ANKMY2: variants seen among roughly 807,000 people sequenced by gnomAD.
ANKMY2 encodes ankyrin repeat and MYND domain-containing protein 2.
ANKMY2 carries 36 observed loss-of-function variants against 50.4 expected under a neutral mutation model. The observed-to-expected ratio is 0.71, with a 90% CI of 0.55 to 0.94. The LOEUF is 0.94. ANKMY2 is among the 40% of genes least tolerant of loss of function. The pLI is 0.00. For synonymous variants in ANKMY2, 187 were observed against 178.8 expected, an observed-to-expected ratio of 1.05 and a Z score of -0.36; for missense variants, 565 against 524.0, an observed-to-expected ratio of 1.08 and a Z score of -0.76.
chr7:16,633,834 T>C (rs1375654772), intron 2 of ANKMY2, among the ~76,000 whole-genome samples: 1 of 152,164 alleles, frequency 6.6e-6, no homozygotes, highest in African/African-American at 2.4e-5. Flanking sequence ...TAAAAGGTGC[T>C]ATTGCGATCT....
At chr7:16,630,944 C>A (rs1781573840) in intron 2 of ANKMY2, among the ~76,000 whole-genome samples, 1 of 152,190 alleles carries the variant, frequency 6.6e-6, no homozygotes, top group South Asian at 2.1e-4. Flanking sequence ...AGGATCATCA[C>A]AGAGGCCAAG....
At chr7:16,620,795 T>A (rs1224065562) in intron 4 of ANKMY2, among the ~76,000 whole-genome samples, 1 of 152,168 alleles carries the variant, frequency 6.6e-6, no homozygotes, top group African/African-American at 2.4e-5. Flanking sequence ...TATATGTTTA[T>A]AAGTTATACT....
Position 16,604,605 on chromosome 7 carries a change from G to A in ANKMY2, c.1011+116C>T, listed in dbSNP as rs118106780. 10,806 of 1,328,840 alleles carry A rather than the reference G, an allele frequency of 8.1e-3. 61 individuals are homozygous for A. Among genetic ancestry groups the A allele is most frequent in the Middle Eastern group, 0.01 (50 of 4,914 alleles). 82.3% of individuals were successfully genotyped at this position (1,328,840 alleles called of 1,614,324 possible). A position where few individuals can be genotyped will look rare whatever the true frequency, so the allele number is the denominator to read the frequency against. ...TTTAAGTATTAAATAGAATATTTTC[G>A]TTACTAGAATTTATTAGAAAACTAA... On this transcript the variant is annotated intron_variant, in intron 8 of 9. Transcript: ENST00000306999.
rs1781230785 is a variant in ANKMY2 at position 16,610,504 on chromosome 7, T to A, written c.746+45A>T. The A allele has an allele frequency of 2.7e-6, 4 of 1,471,414 alleles. No individual in the cohort carries two copies. In the South Asian group the frequency reaches 3.8e-5, roughly 14 times the overall value. The allele number at this position is 1,471,414 out of a possible 1,614,324, so 91.1% of individuals were successfully genotyped here. Reference sequence around the variant, plus strand: ...TAATGAGGCTTCATATTAAAAAAAATATTCACTTGAGTGTATTTTATAAAC... The same window carrying A: ...TAATGAGGCTTCATATTAAAAAAAAAATTCACTTGAGTGTATTTTATAAAC... On this transcript the variant is annotated intron_variant, in intron 6 of 9. Transcript: ENST00000306999.
chr7:16,615,000 C>G (rs1296397744), intron 5 of ANKMY2, among the ~76,000 whole-genome samples: 1 of 152,062 alleles, frequency 6.6e-6, no homozygotes, highest in African/African-American at 2.4e-5. Context: ...CAGCAAAAGC[C>G]TGTATTTTTA....
chr7:16,634,936 G>C (rs1457358777), intron 2 of ANKMY2, among the ~76,000 whole-genome samples: 1 of 151,960 alleles, frequency 6.6e-6, no homozygotes, highest in African/African-American at 2.4e-5. Flanking sequence ...AGGTAAAATT[G>C]ACAATGTCTA....
At chr7:16,613,006 T>A (rs201021357) in intron 5 of ANKMY2, among the ~76,000 whole-genome samples, 1 of 152,214 alleles carries the variant, frequency 6.6e-6, no homozygotes, top group Non-Finnish European at 1.5e-5. Flanking sequence ...TTTTAAAAAC[T>A]GCTAAATCTA....
At chr7:16,618,606 A>C (rs1475874162) in intron 4 of ANKMY2, among the ~76,000 whole-genome samples, 1 of 152,078 alleles carries the variant, frequency 6.6e-6, no homozygotes. Context: ...TATTTCTTTT[A>C]TTTCTTTCCC....
intron 1 of ANKMY2, among the ~76,000 whole-genome samples, chr7:16,644,427 G>A (rs1321583955): frequency 6.6e-6 from 1 of 152,182 alleles, no homozygotes; most frequent in African/African-American, 2.4e-5. Context: ...TCCTTCGCAT[G>A]TGGAGTTTCC....
At chr7:16,632,911 C>T (rs766604198) in intron 2 of ANKMY2, among the ~76,000 whole-genome samples, 4 of 152,184 alleles carry the variant, frequency 2.6e-5, no homozygotes, top group Non-Finnish European at 5.9e-5. Context: ...CTTGCTAATA[C>T]CTGCTATACC....
chr7:16,610,426 G>A (rs141620157), intron 6 of ANKMY2, 123 bp downstream of exon 6: 32 of 707,550 alleles, frequency 4.5e-5, no homozygotes, highest in African/African-American at 2.5e-4. Context: ...AAGACTAAAT[G>A]TGAGTCCAAC....
At chr7:16,608,094 T>C (rs756161360) in intron 7 of ANKMY2, among the ~76,000 whole-genome samples, 1 of 152,162 alleles carries the variant, frequency 6.6e-6, no homozygotes. Context: ...TAAGGAATAT[T>C]GGAAGGGAAA....
In ANKMY2 at chr7:16,610,670, T is replaced by C. The variant is rs1173145116; in HGVS notation, c.625A>G (p.Met209Val). ...ACTTCATTCATGTCTCTTTGCTTCATACATTTCTCACAAATCAAATCCATC... is the reference window on the plus strand; with the variant it reads ...ACTTCATTCATGTCTCTTTGCTTCACACATTTCTCACAAATCAAATCCATC... ...RVMDLICEKCMKQRDMNEVLA... is the reference protein window; with the variant it reads ...RVMDLICEKCVKQRDMNEVLA... Residue 209 changes from methionine (M) to valine (V), a missense_variant, in exon 6 of 10, where the codon ATG (methionine) becomes GTG (valine). Coordinates refer to ENST00000306999, the MANE Select transcript of ANKMY2 (RefSeq NM_020319.3). 1.1e-5 allele frequency: 18 copies of C among 1,613,924 alleles called. No homozygotes were observed. The highest frequency in any genetic ancestry group is 2.7e-5 in the African/African-American group (2 of 74,938).
intron 5 of ANKMY2, among the ~76,000 whole-genome samples, chr7:16,614,784 T>C (rs1324020642): frequency 1.3e-5 from 2 of 152,212 alleles, no homozygotes; most frequent in African/African-American, 4.8e-5. Context: ...ACCTTAACTT[T>C]TGACACAACT....
chr7:16,600,604 TG>T lies in ANKMY2; in HGVS notation c.*156del. The T allele has an allele frequency of 2.0e-6, 1 of 493,040 alleles. No homozygotes were observed. Among genetic ancestry groups the T allele is most frequent in the Non-Finnish European group, 3.3e-6 (1 of 307,458 alleles). 30.5% of individuals were successfully genotyped at this position (493,040 alleles called of 1,614,324 possible). A position where few individuals can be genotyped will look rare whatever the true frequency, so the allele number is the denominator to read the frequency against. On this transcript the variant is annotated 3_prime_UTR_variant, in exon 10 of 10. Coordinates refer to ENST00000306999, the MANE Select transcript of ANKMY2 (RefSeq NM_020319.3). ...CAGAAATCAATAGGAAATTAGGGCATGGTCAACAGGGGTTTGCTTGAAAACC... is the reference window on the plus strand; with the variant it reads ...CAGAAATCAATAGGAAATTAGGGCATGTCAACAGGGGTTTGCTTGAAAACC...
chr7:16,639,320 A>G (rs1179266501), intron 1 of ANKMY2, among the ~76,000 whole-genome samples: 3 of 152,144 alleles, frequency 2.0e-5, no homozygotes, highest in African/African-American at 7.2e-5. Flanking sequence ...TGATTTAACA[A>G]ACTGCTGGGG....
At chr7:16,638,985 C>T (rs928990296) in intron 1 of ANKMY2, among the ~76,000 whole-genome samples, 2 of 152,144 alleles carry the variant, frequency 1.3e-5, no homozygotes, top group Non-Finnish European at 2.9e-5. Context: ...CTAAGGTTAG[C>T]CTTTTGAAAT....
At position 16,624,107 on chromosome 7, in the gene ANKMY2, T is replaced by G. The variant is rs189604069; in HGVS notation, c.370+876A>C. Among the ~76,000 whole-genome samples, 25 of 152,280 alleles carry G rather than the reference T, an allele frequency of 1.6e-4. No individual in the cohort carries two copies. In the East Asian group the frequency reaches 4.4e-3, roughly 27 times the overall value. On this transcript the variant is annotated intron_variant, in intron 4 of 9. Transcript: ENST00000306999. Reference sequence around the variant, plus strand: ...CACCATTTGTCATTGCTATTACCCTTTAAGTGCCAAGAAAGTATGAACAGC... The same window carrying G: ...CACCATTTGTCATTGCTATTACCCTGTAAGTGCCAAGAAAGTATGAACAGC...
intron 4 of ANKMY2, among the ~76,000 whole-genome samples, chr7:16,617,924 T>G (rs1288815260): frequency 4.4e-5 from 6 of 136,600 alleles, no homozygotes; most frequent in Non-Finnish European, 8.9e-5. Context: ...CGTGTTTTTT[T>G]TTTTTTTTTT....
Sources: gnomAD v4.1 joint callset for allele counts (sites outside exome capture counted in the v4.1 genomes callset) on GRCh38, gnomAD v4.1.1 for gene constraint, MANE v1.5 for transcripts, NCBI Gene and HGNC (gene_info 2026-07-23, HGNC 2026-07-21) for gene names.